RDX: variants seen among roughly 807,000 people sequenced by gnomAD.
RDX encodes deafness, autosomal recessive 24.
A neutral mutation model predicts 83.7 loss-of-function variants in RDX; 32 were observed. The observed-to-expected ratio is 0.38, with a 90% confidence interval of 0.29 to 0.51. The LOEUF (loss-of-function observed/expected upper bound fraction) is 0.51, where lower values mean the gene tolerates loss of function less well. RDX is among the 20% of genes least tolerant of loss of function. RDX has a pLI of 0.87. For synonymous variants in RDX, 229 were observed against 222.7 expected (o/e 1.03, Z -0.25); for missense variants, 600 against 689.9 (o/e 0.87, Z 1.46).
intron 4 of RDX, among the ~76,000 whole-genome samples, 166 bp downstream of exon 4, chr11:110,264,613 T>A (rs888801087): frequency 6.6e-6 from 1 of 151,328 alleles, no homozygotes; most frequent in African/African-American, 2.4e-5. Context: ...TTTGAGATGA[T>A]AAGCTGATGG....
chr11:110,277,615 C>T (rs1182381768), intron 2 of RDX, among the ~76,000 whole-genome samples: 1 of 151,868 alleles, frequency 6.6e-6, no homozygotes, highest in Non-Finnish European at 1.5e-5. Flanking sequence ...TTACCATGCC[C>T]GGCCTACCAG....
intron 14 of RDX, among the ~76,000 whole-genome samples, chr11:110,222,864 GACT>G (rs1357189770): frequency 6.6e-6 from 1 of 152,108 alleles, no homozygotes; most frequent in African/African-American, 2.4e-5. Flanking sequence ...CAACAAAAAC[GACT>G]ACTTTTAAAA....
At chr11:110,182,680 A>G (rs1862910954) in intron 15 of RDX, among the ~76,000 whole-genome samples, 1 of 152,172 alleles carries the variant, frequency 6.6e-6, no homozygotes, top group African/African-American at 2.4e-5. Flanking sequence ...CCTCATTGCC[A>G]TGGGCAATGG....
intron 4 of RDX, 73 bp downstream of exon 4, chr11:110,264,706 T>C: frequency 1.8e-6 from 2 of 1,103,342 alleles, no homozygotes; most frequent in South Asian, 1.3e-5. Context: ...CAGTCAGACT[T>C]AGCTTTTCCA....
chr11:110,210,631 A>T (rs1263978732), intron 14 of RDX, among the ~76,000 whole-genome samples: 1 of 151,222 alleles, frequency 6.6e-6, no homozygotes, highest in Non-Finnish European at 1.5e-5. Context: ...TCAGACTAAC[A>T]GCGGATCTCT....
intron 2 of RDX, among the ~76,000 whole-genome samples, chr11:110,274,791 T>C (rs1384664234): frequency 2.0e-5 from 3 of 152,240 alleles, no homozygotes; most frequent in Non-Finnish European, 2.9e-5. Context: ...ACATTCTGCA[T>C]GTGGCCAAAC....
chr11:110,177,706 A>T (rs1862803539), intron 15 of RDX, among the ~76,000 whole-genome samples: 2 of 151,266 alleles, frequency 1.3e-5, no homozygotes, highest in South Asian at 4.2e-4. Context: ...CTGGTCTCGA[A>T]CTCCTGACCT....
chr11:110,204,163 T>C (rs753258082), intron 14 of RDX, among the ~76,000 whole-genome samples: 6 of 152,032 alleles, frequency 3.9e-5, no homozygotes, highest in Non-Finnish European at 7.4e-5. Context: ...ACTATAATTA[T>C]TTGCAGAAAA....
Position 110,296,363 on chromosome 11 carries a change from G to C in RDX, c.-65+104C>G, listed in dbSNP as rs1369433112. On this transcript the variant is annotated intron_variant, in intron 1 of 13. Transcript: ENST00000645495. Reference sequence around the variant, plus strand: ...AGGCGCGCCAAGCCCTGGCGGCGGCGCCACGGCCGGGCAGCACGGGCCCCG... The same window carrying C: ...AGGCGCGCCAAGCCCTGGCGGCGGCCCCACGGCCGGGCAGCACGGGCCCCG... 4 of 150,286 alleles carry C rather than the reference G, an allele frequency of 2.7e-5. No homozygotes were observed. In the East Asian group the frequency reaches 6.1e-4, roughly 23 times the overall value. 9.3% of individuals were successfully genotyped at this position (150,286 alleles called of 1,614,324 possible). A position where few individuals can be genotyped will look rare whatever the true frequency, so the allele number is the denominator to read the frequency against.
intron 14 of RDX, among the ~76,000 whole-genome samples, chr11:110,202,940 G>A (rs182596000): frequency 1.4e-4 from 22 of 152,248 alleles, no homozygotes; most frequent in African/African-American, 4.8e-4. Flanking sequence ...TGGTGAGACT[G>A]TAAATTAGTA....
chr11:110,288,084 A>T (rs1861058286), intron 1 of RDX, among the ~76,000 whole-genome samples: 1 of 152,222 alleles, frequency 6.6e-6, no homozygotes, highest in Admixed American at 6.5e-5. Context: ...ATTTCCTGTA[A>T]GGGTGAGAGG....
At chr11:110,222,576 C>T (rs1027110180) in intron 14 of RDX, among the ~76,000 whole-genome samples, 4 of 152,278 alleles carry the variant, frequency 2.6e-5, no homozygotes, top group Admixed American at 1.3e-4. Flanking sequence ...GCAGGTGGAT[C>T]ATAAGGTCAG....
rs11821948 is a variant in RDX at position 110,180,238 on chromosome 11, A to G, written c.*32-5004T>C. On this transcript the variant is annotated intron_variant, in intron 15 of 15. Transcript: ENST00000528498. ...TCTTTAAGAAAGCTATTGAGTTGCAAAAGTGAAATTGACTGTGTAGATCTG... is the reference window on the plus strand; with the variant it reads ...TCTTTAAGAAAGCTATTGAGTTGCAGAAGTGAAATTGACTGTGTAGATCTG... Among the ~76,000 whole-genome samples, 906 of 152,236 alleles carry G rather than the reference A, an allele frequency of 6.0e-3. 3 individuals carry two copies. The highest frequency in any genetic ancestry group is 0.02 in the African/African-American group (819 of 41,542).
At chr11:110,276,221 C>T (rs1193381646) in intron 2 of RDX, among the ~76,000 whole-genome samples, 2 of 152,096 alleles carry the variant, frequency 1.3e-5, no homozygotes, top group Non-Finnish European at 2.9e-5. Context: ...TTTTTAATCT[C>T]CATATGAATG....
Position 110,230,589 on chromosome 11 carries a change from CACACA to C in RDX, c.*1275_*1279del, listed in dbSNP as rs1864592849. 1.3e-5 allele frequency: 2 copies of C among 151,526 alleles called. No homozygotes were observed. Among genetic ancestry groups the C allele is most frequent in the Admixed American group, 1.3e-4 (2 of 15,142 alleles). The allele number at this position is 151,526 out of a possible 1,614,324, so 9.4% of individuals were successfully genotyped here. ...CATACACACACAGAGTACACACACACACACACACACACACACACACAGTCTCTCTC... is the reference window on the plus strand; with the variant it reads ...CATACACACACAGAGTACACACACACCACACACACACACACAGTCTCTCTC... On this transcript the variant is annotated 3_prime_UTR_variant, in exon 14 of 14. Coordinates refer to ENST00000645495, the MANE Select transcript of RDX (RefSeq NM_002906.4).
chr11:110,206,959 A>G (rs1276700406), intron 14 of RDX, among the ~76,000 whole-genome samples: 1 of 141,962 alleles, frequency 7.0e-6, no homozygotes, highest in Admixed American at 7.1e-5. Flanking sequence ...CCTTTAAAAC[A>G]CGCAATTATT....
At chr11:110,252,653 A>T (rs1859384538) in intron 9 of RDX, among the ~76,000 whole-genome samples, 1 of 152,250 alleles carries the variant, frequency 6.6e-6, no homozygotes, top group East Asian at 1.9e-4. Flanking sequence ...TACTGTATAG[A>T]AAGTAAAGCC....
intron 1 of RDX, among the ~76,000 whole-genome samples, chr11:110,289,620 C>CA (rs1225082631): frequency 6.6e-6 from 1 of 152,020 alleles, no homozygotes; most frequent in Non-Finnish European, 1.5e-5. Flanking sequence ...CCCTTTCACT[C>CA]AGAGTCCTTA....
At chr11:110,256,627 C>G (rs1859556676) in intron 7 of RDX, among the ~76,000 whole-genome samples, 1 of 152,130 alleles carries the variant, frequency 6.6e-6, no homozygotes, top group South Asian at 2.1e-4. Context: ...GTAATCTCAG[C>G]ACTGGAGAAA....
Sources: gnomAD v4.1 joint callset for allele counts (sites outside exome capture counted in the v4.1 genomes callset) on GRCh38, gnomAD v4.1.1 for gene constraint, MANE v1.5 for transcripts, NCBI Gene and HGNC (gene_info 2026-07-23, HGNC 2026-07-21) for gene names.